The following SLC12A6 variants were observed in gnomAD, a reference collection of about 807,000 sequenced individuals.
SLC12A6 encodes the protein K-Cl cotransporter 3.
In SLC12A6, 66 loss-of-function variants were observed where a neutral mutation model predicts 135.3. That is an observed-to-expected ratio of 0.49 (90% CI 0.40 to 0.60). The LOEUF (loss-of-function observed/expected upper bound fraction) is 0.60. Ranked by LOEUF, SLC12A6 falls within the 20% of genes least tolerant of loss-of-function variation. The pLI, the probability that SLC12A6 is intolerant of heterozygous loss-of-function variation, is 0.00. For missense variants in SLC12A6, 1,058 were observed against 1,452.3 expected, an observed-to-expected ratio of 0.73 and a Z score of 4.41; for synonymous variants, 513 against 508.8, an observed-to-expected ratio of 1.01 and a Z score of -0.11.
intron 2 of SLC12A6, chr15:34,318,478 A>C (rs1008229564): frequency 9.4e-7 from 1 of 1,058,690 alleles, no homozygotes; most frequent in East Asian, 2.4e-5. Flanking sequence ...GTCCTAAAGA[A>C]GGCATTTTGA....
At chr15:34,333,665 A>G (rs917100833) in intron 2 of SLC12A6, among the ~76,000 whole-genome samples, 8 of 152,224 alleles carry the variant, frequency 5.3e-5, no homozygotes, top group African/African-American at 1.9e-4. Context: ...AGTCCTATAA[A>G]TTCAAATGGA....
At chr15:34,284,329 C>T (rs1246393040) in intron 2 of SLC12A6, among the ~76,000 whole-genome samples, 1 of 127,196 alleles carries the variant, frequency 7.9e-6, no homozygotes, top group Non-Finnish European at 1.6e-5. Context: ...GTTGCCTAGG[C>T]AGGCACCATC....
chr15:34,314,777 A>G (rs938499700), intron 2 of SLC12A6: 3 of 152,582 alleles, frequency 2.0e-5, no homozygotes, highest in African/African-American at 7.3e-5. Flanking sequence ...AACCAGTTAC[A>G]GATTCCTTTG....
intron 3 of SLC12A6, among the ~76,000 whole-genome samples, chr15:34,263,627 T>C (rs1246301383): frequency 2.6e-5 from 4 of 151,828 alleles, no homozygotes; most frequent in Non-Finnish European, 4.4e-5. Flanking sequence ...ATGCAAAAGT[T>C]ATATAATTAC....
intron 2 of SLC12A6, among the ~76,000 whole-genome samples, chr15:34,330,359 GAA>G (rs2141180666): frequency 6.6e-6 from 1 of 152,288 alleles, no homozygotes; most frequent in South Asian, 2.1e-4. Flanking sequence ...AGAGTATAGA[GAA>G]GAGAGGAAAA....
At chr15:34,254,035 T>TTTATGAATAG (rs1400453123) in intron 9 of SLC12A6, among the ~76,000 whole-genome samples, 9 of 152,212 alleles carry the variant, frequency 5.9e-5, no homozygotes, top group Admixed American at 4.6e-4. Flanking sequence ...TGCAAAGCCC[T>TTTATGAATAG]TTATGAATAG....
chr15:34,245,526 C>T (rs1255852483), intron 14 of SLC12A6, 123 bp from the exon 15 acceptor site: 1 of 885,330 alleles, frequency 1.1e-6, no homozygotes, highest in African/African-American at 1.6e-5. Flanking sequence ...CTTTTAAATA[C>T]CTTTACAGCA....
chr15:34,289,884 G>A (rs1239032616), intron 2 of SLC12A6, among the ~76,000 whole-genome samples: 2 of 151,858 alleles, frequency 1.3e-5, no homozygotes, highest in Admixed American at 6.6e-5. Context: ...TTGTTTATTA[G>A]TCTTGCTAGC....
intron 2 of SLC12A6, among the ~76,000 whole-genome samples, chr15:34,317,425 C>T (rs13380366): frequency 0.039 from 5,971 of 152,140 alleles, 214 homozygotes; most frequent in African/African-American, 0.099. Flanking sequence ...ACTTTGAGGC[C>T]GGACGCAGTG....
At chr15:34,332,926 TAA>T (rs1889951582) in intron 2 of SLC12A6, among the ~76,000 whole-genome samples, 1 of 152,202 alleles carries the variant, frequency 6.6e-6, no homozygotes, top group South Asian at 2.1e-4. Flanking sequence ...GAGCACTAGA[TAA>T]AAGTCAGGAG....
intron 2 of SLC12A6, among the ~76,000 whole-genome samples, chr15:34,328,107 T>C (rs1889597164): frequency 7.7e-6 from 1 of 130,078 alleles, no homozygotes; most frequent in Non-Finnish European, 1.5e-5. Flanking sequence ...AACAGGAAAT[T>C]TTAAAAAGAA....
intron 2 of SLC12A6, among the ~76,000 whole-genome samples, chr15:34,324,411 T>C (rs1889327107): frequency 6.6e-6 from 1 of 152,232 alleles, no homozygotes; most frequent in Non-Finnish European, 1.5e-5. Context: ...ATCTTACACA[T>C]ATTGTATTTA....
chr15:34,285,713 TTTGTC>T (rs1895015296), intron 2 of SLC12A6, among the ~76,000 whole-genome samples: 1 of 45,180 alleles, frequency 2.2e-5, no homozygotes, highest in Middle Eastern at 0.01. Context: ...TGTGTGTGTG[TTTGTC>T]ATACATAAAA....
At chr15:34,244,347 G>A (rs1336594022) in intron 15 of SLC12A6, among the ~76,000 whole-genome samples, 1 of 152,114 alleles carries the variant, frequency 6.6e-6, no homozygotes, top group African/African-American at 2.4e-5. Flanking sequence ...CAAGTCCTAT[G>A]GATTCTATTT....
chr15:34,247,155 T>C (rs1050141397), intron 13 of SLC12A6, among the ~76,000 whole-genome samples: 12 of 152,204 alleles, frequency 7.9e-5, no homozygotes, highest in Non-Finnish European at 1.5e-5. Flanking sequence ...ACTTCTAATT[T>C]GATGGGTGAA....
At position 34,254,421 on chromosome 15, in the gene SLC12A6, C is replaced by G; in HGVS notation, c.1045G>C (p.Ala349Pro). 3 of 1,613,448 alleles carry G rather than the reference C, an allele frequency of 1.9e-6. No homozygotes were observed. The highest frequency in any genetic ancestry group is 2.5e-6 in the Non-Finnish European group (3 of 1,179,450). Reference protein sequence around the residue: ...YVNKFASLFLACVIVSILAIY... With the variant: ...YVNKFASLFLPCVIVSILAIY... ...GCCAAGATGGACACAATGACACAGG[C>G]CAGGAAAAGTGAGGCAAACTTGTTC... Residue 349 changes from alanine (A) to proline (P), a missense_variant, in exon 9 of 26, where the codon GCC becomes CCC. Physicochemically the swap from Ala to Pro is conservative, Grantham distance 27 (BLOSUM62 -1). Coordinates refer to ENST00000354181, the MANE Select transcript of SLC12A6 (RefSeq NM_001365088.1).
At chr15:34,259,283 G>A (rs550178009) in intron 4 of SLC12A6, among the ~76,000 whole-genome samples, 1 of 151,844 alleles carries the variant, frequency 6.6e-6, no homozygotes, top group Non-Finnish European at 1.5e-5. Context: ...AGAAGTTGCA[G>A]TGAGCCGAGA....
chr15:34,262,909 G>C (rs1365289417), intron 3 of SLC12A6, among the ~76,000 whole-genome samples: 2 of 152,204 alleles, frequency 1.3e-5, no homozygotes, highest in Non-Finnish European at 2.9e-5. Context: ...AGGATGAATA[G>C]ACAGGGCATC....
intron 9 of SLC12A6, 44 bp downstream of exon 9, chr15:34,254,304 T>C: frequency 6.3e-7 from 1 of 1,576,298 alleles, no homozygotes; most frequent in Admixed American, 1.7e-5. Flanking sequence ...ATATTTTCAA[T>C]TACTACCCAA....
Sources: gnomAD v4.1 joint callset for allele counts (sites outside exome capture counted in the v4.1 genomes callset) on GRCh38, gnomAD v4.1.1 for gene constraint, MANE v1.5 for transcripts, NCBI Gene and HGNC (gene_info 2026-07-23, HGNC 2026-07-21) for gene names.